The following PRKG1 variants were observed in gnomAD, a reference collection of about 807,000 sequenced individuals.
PRKG1 encodes cGMP-dependent protein kinase 1.
Under a neutral mutation model 88.1 loss-of-function variants are expected in PRKG1, and 35 were observed. The observed-to-expected ratio is 0.40, with a 90% confidence interval of 0.30 to 0.53. The LOEUF is 0.53. Ranked by LOEUF, PRKG1 falls within the 20% of genes least tolerant of loss-of-function variation. The probability of loss-of-function intolerance (pLI) is 0.59; values close to 1 mark genes in which losing one functional copy is unlikely to be tolerated. For missense variants in PRKG1, 540 were observed against 839.8 expected, an observed-to-expected ratio of 0.64 and a Z score of 4.41; for synonymous variants, 303 against 292.5, an observed-to-expected ratio of 1.04 and a Z score of -0.37.
At chr10:51,709,923 G>C (rs1448822904) in intron 3 of PRKG1, among the ~76,000 whole-genome samples, 1 of 128,652 alleles carries the variant, frequency 7.8e-6, no homozygotes, top group Non-Finnish European at 1.7e-5. Flanking sequence ...TAGCAGCAAG[G>C]GTTTGACAAT....
At chr10:52,204,324 G>T (rs780991175) in intron 9 of PRKG1, among the ~76,000 whole-genome samples, 26 of 152,020 alleles carry the variant, frequency 1.7e-4, no homozygotes, top group Non-Finnish European at 2.9e-4. Flanking sequence ...GACCTCAGAT[G>T]ATCTGCCCAC....
At chr10:51,050,276 A>G (rs150585323) in intron 1 of PRKG1, among the ~76,000 whole-genome samples, 4 of 152,042 alleles carry the variant, frequency 2.6e-5, no homozygotes, top group African/African-American at 9.6e-5. Context: ...ACATATTCAT[A>G]TTGCATAACT....
At chr10:51,258,165 G>A (rs953858934) in intron 2 of PRKG1, among the ~76,000 whole-genome samples, 3 of 152,094 alleles carry the variant, frequency 2.0e-5, no homozygotes, top group African/African-American at 7.2e-5. Flanking sequence ...CTCCAGACAC[G>A]ACAGGACCCC....
At chr10:51,236,245 T>G (rs1483109106) in intron 2 of PRKG1, among the ~76,000 whole-genome samples, 2 of 152,174 alleles carry the variant, frequency 1.3e-5, no homozygotes, top group Non-Finnish European at 2.9e-5. Context: ...TCAATAAATT[T>G]GATAACCCTT....
At chr10:52,247,645 C>T (rs934820350) in intron 9 of PRKG1, among the ~76,000 whole-genome samples, 17 of 151,958 alleles carry the variant, frequency 1.1e-4, no homozygotes, top group Admixed American at 8.5e-4. Context: ...GTTAAATATC[C>T]GAAAAATCTA....
chr10:52,272,624 G>A (rs1342586096), intron 12 of PRKG1, 143 bp downstream of exon 12: 3 of 659,794 alleles, frequency 4.5e-6, no homozygotes, highest in African/African-American at 3.7e-5. Context: ...TAAGCACAGG[G>A]CATAACCCAC....
At chr10:51,064,002 C>A (rs2132787267) in intron 1 of PRKG1, among the ~76,000 whole-genome samples, 1 of 152,116 alleles carries the variant, frequency 6.6e-6, no homozygotes, top group African/African-American at 2.4e-5. Flanking sequence ...AGAAGGAGTA[C>A]AAATTTCTCT....
At chr10:51,280,443 T>C (rs1408175391) in intron 2 of PRKG1, among the ~76,000 whole-genome samples, 3 of 152,238 alleles carry the variant, frequency 2.0e-5, no homozygotes, top group Non-Finnish European at 4.4e-5. Context: ...GAAGTTCTCC[T>C]GGATAATATC....
chr10:52,000,945 T>A (rs753049577), intron 5 of PRKG1, among the ~76,000 whole-genome samples: 11 of 152,156 alleles, frequency 7.2e-5, no homozygotes, highest in Admixed American at 3.3e-4. Context: ...CTCAAAAAAA[T>A]GACTTCAATT....
intron 2 of PRKG1, among the ~76,000 whole-genome samples, chr10:51,284,909 T>C (rs1187565123): frequency 6.7e-6 from 1 of 148,242 alleles, no homozygotes; most frequent in African/African-American, 2.5e-5. Context: ...TTTTTTTTTA[T>C]TATACTTTAA....
At chr10:51,138,594 T>C (rs1039069531) in intron 1 of PRKG1, among the ~76,000 whole-genome samples, 1 of 151,948 alleles carries the variant, frequency 6.6e-6, no homozygotes, top group Non-Finnish European at 1.5e-5. Context: ...TATGGCAGTC[T>C]AATTTTGATT....
intron 1 of PRKG1, among the ~76,000 whole-genome samples, chr10:51,043,323 C>G (rs747225201): frequency 6.6e-6 from 1 of 152,146 alleles, no homozygotes; most frequent in Non-Finnish European, 1.5e-5. Context: ...ATACCTGTTT[C>G]ATAAGGTAAT....
chr10:51,830,503 T>C (rs988856076), intron 4 of PRKG1, among the ~76,000 whole-genome samples: 1 of 152,002 alleles, frequency 6.6e-6, no homozygotes, highest in Non-Finnish European at 1.5e-5. Context: ...TGCAATATAA[T>C]TGTGATCTCT....
chr10:51,153,284 C>T lies in PRKG1; in HGVS notation c.432C>T (p.Cys144=), dbSNP rs2131975482. ...MYPVEYGKDS[C]IIKEGDVGSL... Reference sequence around the variant, plus strand: ...CGGTGGAGTATGGCAAGGACAGTTGCATCATCAAAGAAGGAGACGTGGGGT... The same window carrying T: ...CGGTGGAGTATGGCAAGGACAGTTGTATCATCAAAGAAGGAGACGTGGGGT... The change falls in exon 2 of 18, where the codon TGC becomes TGT. Residue 144 remains cysteine (C), a synonymous_variant. Coordinates refer to ENST00000373980, the MANE Select transcript of PRKG1 (RefSeq NM_006258.4). 5.0e-6 allele frequency: 8 copies of T among 1,611,998 alleles called. No individual in the cohort carries two copies. The highest frequency in any genetic ancestry group is 6.8e-6 in the Non-Finnish European group (8 of 1,178,700).
intron 3 of PRKG1, among the ~76,000 whole-genome samples, chr10:51,720,192 G>C (rs1427392552): frequency 6.6e-6 from 1 of 152,034 alleles, no homozygotes; most frequent in Non-Finnish European, 1.5e-5. Flanking sequence ...AAGTGTAATA[G>C]AGACCACACT....
At chr10:51,773,149 A>G (rs1838348406) in intron 3 of PRKG1, among the ~76,000 whole-genome samples, 1 of 152,086 alleles carries the variant, frequency 6.6e-6, no homozygotes, top group Admixed American at 6.6e-5. Context: ...TTCCTGTCCA[A>G]CTGCCCAATT....
intron 5 of PRKG1, among the ~76,000 whole-genome samples, chr10:51,920,217 CATT>C (rs2132978322): frequency 6.6e-6 from 1 of 152,296 alleles, no homozygotes; most frequent in Non-Finnish European, 1.5e-5. Flanking sequence ...GAATAAGACT[CATT>C]TTTCTTCTAT....
At chr10:51,864,443 C>T (rs766207532) in intron 4 of PRKG1, among the ~76,000 whole-genome samples, 16 of 152,152 alleles carry the variant, frequency 1.1e-4, no homozygotes, top group Non-Finnish European at 2.2e-4. Context: ...TTAGATAGTA[C>T]CCAACACAGC....
intron 5 of PRKG1, among the ~76,000 whole-genome samples, chr10:51,966,035 CTAATTA>C: frequency 6.6e-6 from 1 of 151,952 alleles, no homozygotes; most frequent in East Asian, 1.9e-4. Flanking sequence ...AATAATTATT[CTAATTA>C]TGTGATTTTT....
Sources: allele counts gnomAD v4.1 joint callset (sites outside exome capture counted in the v4.1 genomes callset), GRCh38; gene constraint gnomAD v4.1.1; transcripts MANE v1.5; gene names NCBI Gene and HGNC (gene_info 2026-07-23, HGNC 2026-07-21).